FAM114A1: variants seen among roughly 807,000 people sequenced by gnomAD.
The protein encoded by FAM114A1 is protein NOXP20.
Under a neutral mutation model 64.3 loss-of-function variants are expected in FAM114A1, and 62 were observed. The ratio of observed to expected loss-of-function variants is 0.96; its 90% confidence interval spans 0.79 to 1.19. The LOEUF (loss-of-function observed/expected upper bound fraction) is 1.19, where lower values mean the gene tolerates loss of function less well. Among genes scored for constraint, FAM114A1 ranks in the 50% most tolerant of loss-of-function variants. FAM114A1 has a pLI of 0.00. For missense variants in FAM114A1, 645 were observed against 676.3 expected (o/e 0.95, Z 0.51); for synonymous variants, 254 against 251.1 (o/e 1.01, Z -0.11).
intron 3 of FAM114A1, among the ~76,000 whole-genome samples, chr4:38,885,512 A>G (rs1252154500): frequency 6.6e-6 from 1 of 152,048 alleles, no homozygotes; most frequent in East Asian, 1.9e-4. Flanking sequence ...CCTGGCCTCA[A>G]GTGATCCTCC....
At chr4:38,881,853 C>T (rs1448827489) in intron 3 of FAM114A1, among the ~76,000 whole-genome samples, 1 of 152,072 alleles carries the variant, frequency 6.6e-6, no homozygotes, top group African/African-American at 2.4e-5. Context: ...GTGAATTGTA[C>T]AAAACAAATT....
At chr4:38,931,290 G>A (rs546798250) in intron 10 of FAM114A1, among the ~76,000 whole-genome samples, 161 bp from the exon 11 acceptor site, 1 of 152,052 alleles carries the variant, frequency 6.6e-6, no homozygotes, top group African/African-American at 2.4e-5. Context: ...CAACAACAAG[G>A]TTATCTTTTT....
intron 3 of FAM114A1, among the ~76,000 whole-genome samples, chr4:38,888,275 C>T (rs565990156): frequency 2.0e-5 from 3 of 151,836 alleles, no homozygotes; most frequent in African/African-American, 4.8e-5. Context: ...CCTAGCACTT[C>T]GAGAGACCAA....
intron 14 of FAM114A1, 62 bp from the exon 15 acceptor site, chr4:38,943,394 G>C: frequency 1.5e-6 from 2 of 1,368,048 alleles, no homozygotes; most frequent in Non-Finnish European, 2.1e-6. Context: ...TATCCAATTG[G>C]AAGTATTGTC....
rs572062061 is a variant in FAM114A1, at chr4:38,917,097, A to G, written c.945+2024A>G. Among the ~76,000 whole-genome samples the G allele has an allele frequency of 1.1e-4, 17 of 152,070 alleles. No homozygotes were observed. The East Asian group carries it at 2.9e-3, about 26-fold the overall frequency. ...GGTGGGCAGATCACCTGATGTCAGG[A>G]GTTCAAGACCAGCCTGGCCAACATG... On this transcript the variant is annotated intron_variant, in intron 8 of 14. Transcript: ENST00000358869.
chr4:38,941,319 A>C (rs1248495932), intron 14 of FAM114A1, among the ~76,000 whole-genome samples: 2 of 152,242 alleles, frequency 1.3e-5, no homozygotes, highest in Non-Finnish European at 2.9e-5. Context: ...CACTAGATTT[A>C]ACACTATGAT....
intron 2 of FAM114A1, among the ~76,000 whole-genome samples, chr4:38,877,035 G>C (rs1250521461): frequency 6.6e-6 from 1 of 152,060 alleles, no homozygotes; most frequent in Non-Finnish European, 1.5e-5. Context: ...ACTCACATCT[G>C]CAAGGTCCCT....
intron 2 of FAM114A1, among the ~76,000 whole-genome samples, chr4:38,873,685 A>G (rs1458439858): frequency 6.6e-6 from 1 of 152,216 alleles, no homozygotes; most frequent in East Asian, 1.9e-4. Context: ...AAAGAACAAC[A>G]TATGGAACTA....
chr4:38,899,737 A>G (rs1273779690), intron 4 of FAM114A1, among the ~76,000 whole-genome samples: 2 of 152,218 alleles, frequency 1.3e-5, no homozygotes, highest in African/African-American at 4.8e-5. Context: ...ATACATTAGA[A>G]TGTACCCACA....
chr4:38,884,672 G>A (rs7676710), intron 3 of FAM114A1, among the ~76,000 whole-genome samples: 42,013 of 152,102 alleles, frequency 0.28, 6,160 homozygotes, highest in African/African-American at 0.31. Context: ...ATTAACAAGA[G>A]AGTTGAAAAT....
intron 8 of FAM114A1, among the ~76,000 whole-genome samples, chr4:38,922,549 C>T (rs1227776081): frequency 6.6e-6 from 1 of 152,172 alleles, no homozygotes; most frequent in African/African-American, 2.4e-5. Context: ...TCATTTACTC[C>T]ACAAAGAATC....
intron 3 of FAM114A1, among the ~76,000 whole-genome samples, chr4:38,890,185 A>T (rs1716191239): frequency 6.6e-6 from 1 of 152,160 alleles, no homozygotes; most frequent in Admixed American, 6.5e-5. Flanking sequence ...GGGGCGGATC[A>T]TGAGGTCAAG....
At chr4:38,904,832 G>A (rs1440529537) in intron 4 of FAM114A1, among the ~76,000 whole-genome samples, 1 of 152,246 alleles carries the variant, frequency 6.6e-6, no homozygotes, top group Non-Finnish European at 1.5e-5. Flanking sequence ...TAAAGAGGAT[G>A]AGACAGGTAC....
chr4:38,923,596 T>G (rs9995323), intron 9 of FAM114A1, among the ~76,000 whole-genome samples: 29,936 of 152,166 alleles, frequency 0.2, 3,152 homozygotes, highest in Middle Eastern at 0.3. Flanking sequence ...GGCAAATCTT[T>G]CCCTGAATTT....
At chr4:38,936,123 T>C (rs1721068576) in intron 13 of FAM114A1, among the ~76,000 whole-genome samples, 2 of 151,850 alleles carry the variant, frequency 1.3e-5, no homozygotes, top group Non-Finnish European at 2.9e-5. Context: ...GACGGAGTTT[T>C]GCTCTGGTGC....
Position 38,931,435 on chromosome 4 carries a change from T to G in FAM114A1, c.1162-16T>G, listed in dbSNP as rs760613524. ...TTTGCGCCATAAAAGGATTGTTTGG[T>G]TGGGGACCTCTGCAGGCCATGAAGA... On this transcript the variant is annotated splice_polypyrimidine_tract_variant and intron_variant, in intron 10 of 14. Coordinates refer to ENST00000358869, the MANE Select transcript of FAM114A1 (RefSeq NM_138389.4). The G allele has an allele frequency of 1.2e-5, 19 of 1,589,864 alleles. No homozygotes were observed. Among genetic ancestry groups the G allele is most frequent in the Non-Finnish European group, 1.6e-5 (19 of 1,172,638 alleles).
intron 4 of FAM114A1, among the ~76,000 whole-genome samples, chr4:38,898,575 G>A (rs938060792): frequency 6.6e-6 from 1 of 152,140 alleles, no homozygotes; most frequent in Non-Finnish European, 1.5e-5. Flanking sequence ...TTTGTCCATC[G>A]TCCTTTAGAT....
At chr4:38,938,462 T>C (rs947469795) in intron 13 of FAM114A1, 3 of 152,216 alleles carry the variant, frequency 2.0e-5, no homozygotes, top group African/African-American at 7.2e-5. Flanking sequence ...GTTTGTCTAA[T>C]TTCAGGCCTT....
At chr4:38,942,237 A>G (rs931798647) in intron 14 of FAM114A1, among the ~76,000 whole-genome samples, 14 of 152,310 alleles carry the variant, frequency 9.2e-5, no homozygotes, top group Admixed American at 1.3e-4. Context: ...CATATCAGCT[A>G]CCTATATATT....
Sources: gnomAD v4.1 joint callset for allele counts (sites outside exome capture counted in the v4.1 genomes callset) on GRCh38, gnomAD v4.1.1 for gene constraint, MANE v1.5 for transcripts, NCBI Gene and HGNC (gene_info 2026-07-23, HGNC 2026-07-21) for gene names.